Variants in ICA1 observed in about 807,000 individuals in gnomAD.
ICA1 encodes the protein 69 kDa islet cell autoantigen.
In ICA1, 40 loss-of-function variants were observed where a neutral mutation model predicts 71.0. The ratio of observed to expected loss-of-function variants is 0.56; its 90% CI spans 0.44 to 0.73. The LOEUF is 0.73. Ranked by LOEUF, ICA1 falls within the 30% of genes least tolerant of loss-of-function variation. The pLI, the probability that ICA1 is intolerant of heterozygous loss-of-function variation, is 0.00. For missense variants in ICA1, 578 were observed against 576.5 expected (o/e 1.00, Z -0.03); for synonymous variants, 207 against 209.5 (o/e 0.99, Z 0.10).
intron 6 of ICA1, among the ~76,000 whole-genome samples, chr7:8,200,337 G>GAAAAAAAAA (rs1585155929): frequency 1.7e-4 from 1 of 5,982 alleles, no homozygotes; most frequent in African/African-American, 4.8e-4. Flanking sequence ...GCACAGTTGA[G>GAAAAAAAAA]CAAAAAAAAA....
intron 6 of ICA1, among the ~76,000 whole-genome samples, chr7:8,170,662 T>C (rs917281894): frequency 2.6e-5 from 4 of 152,158 alleles, no homozygotes; most frequent in African/African-American, 9.6e-5. Context: ...CTTCAGCTTG[T>C]ATACTGTGAC....
rs1779461616 is a variant in ICA1 at position 8,173,267 on chromosome 7, G to GA, written c.580-14616dup. 6.6e-6 allele frequency among the ~76,000 whole-genome samples: 1 copy of GA among 152,166 alleles called. No individual in the cohort carries two copies. Among genetic ancestry groups the GA allele is most frequent in the South Asian group, 2.1e-4 (1 of 4,822 alleles). ...ATATTCGGTTGTACCAGAAAGCAAA[G>GA]AAGGCTATTACTGGGGTCAAAAGGA... is the stretch of plus-strand genomic sequence containing the variant. On this transcript the variant is annotated intron_variant, in intron 6 of 13. Coordinates refer to ENST00000402384, the MANE Select transcript of ICA1 (RefSeq NM_001136020.3). The surrounding 1 kb of genome is among the most constrained non-coding windows in gnomAD (Gnocchi z 4.0).
chr7:8,191,219 G>A (rs1785498648), intron 6 of ICA1, among the ~76,000 whole-genome samples: 1 of 152,162 alleles, frequency 6.6e-6, no homozygotes, highest in African/African-American at 2.4e-5. Flanking sequence ...CACTGAATTT[G>A]CAAAGAATCA....
chr7:8,203,790 T>G (rs1583195498), intron 6 of ICA1, among the ~76,000 whole-genome samples: 1 of 152,322 alleles, frequency 6.6e-6, no homozygotes, highest in East Asian at 1.9e-4. Context: ...CTTTCAACAG[T>G]GACAGGCTTT....
rs1377619106 is a variant in ICA1, at chr7:8,113,880, C to T, written c.*43G>A. On this transcript the variant is annotated 3_prime_UTR_variant, in exon 14 of 14. Transcript: ENST00000402384. This position sits in a 1 kb window ranked among gnomAD's most constrained non-coding sequence, Gnocchi z 4.2. Reference sequence around the variant, plus strand: ...ATACTTCTGCTAGCCCCCAGGGGAGCTGCTGGGGGCGGCATGTGAGTGCCC... The same window carrying T: ...ATACTTCTGCTAGCCCCCAGGGGAGTTGCTGGGGGCGGCATGTGAGTGCCC... 1 of 1,611,300 alleles carries T rather than the reference C, an allele frequency of 6.2e-7. No homozygotes were observed. Among genetic ancestry groups the T allele is most frequent in the Non-Finnish European group, 8.5e-7 (1 of 1,177,608 alleles).
At position 8,222,964 on chromosome 7, in the gene ICA1, T is replaced by G. The variant is rs1487116858; in HGVS notation, c.257-1566A>C. 2.0e-5 allele frequency among the ~76,000 whole-genome samples: 3 copies of G among 152,228 alleles called. No individual in the cohort carries two copies. The highest frequency in any genetic ancestry group is 6.5e-5 in the Admixed American group (1 of 15,280). ...GCATAAAGTCTTAAATTCACGGTGC[T>G]AATTAAATGCTTGTGAATTGAATTG... On this transcript the variant is annotated intron_variant, in intron 4 of 13. Coordinates refer to ENST00000402384, the MANE Select transcript of ICA1 (RefSeq NM_001136020.3). This position sits in a 1 kb window ranked among gnomAD's most constrained non-coding sequence, Gnocchi z 4.8.
rs1016035204 is a variant in ICA1, at chr7:8,226,970, T to C, written c.256+1631A>G. Among the ~76,000 whole-genome samples, 23 of 152,332 alleles carry C rather than the reference T, an allele frequency of 1.5e-4. No individual in the cohort carries two copies. In the South Asian group the frequency reaches 2.7e-3, roughly 18 times the overall value. The stretch of plus-strand genomic sequence containing the variant: ...AGAGAATCACTATTTACAGGAAATA[T>C]GCAAGCATCCTTCTTTTCTTCCCTT... On this transcript the variant is annotated intron_variant, in intron 4 of 13. Coordinates refer to ENST00000402384, the MANE Select transcript of ICA1 (RefSeq NM_001136020.3). This position sits in a 1 kb window ranked among gnomAD's most constrained non-coding sequence, Gnocchi z 4.4.
At chr7:8,240,134 C>G (rs568153796) in intron 1 of ICA1, among the ~76,000 whole-genome samples, 2 of 152,216 alleles carry the variant, frequency 1.3e-5, no homozygotes, top group Non-Finnish European at 2.9e-5. Flanking sequence ...GGAGACACCT[C>G]CCAGTAGGGG....
chr7:8,150,256 C>T (rs1280249576), intron 8 of ICA1, among the ~76,000 whole-genome samples: 2 of 152,158 alleles, frequency 1.3e-5, no homozygotes, highest in Non-Finnish European at 2.9e-5. Context: ...GAGGTAATGA[C>T]GAGTATTCGT....
intron 13 of ICA1, among the ~76,000 whole-genome samples, chr7:8,117,580 T>C (rs1385776553): frequency 6.6e-6 from 1 of 152,238 alleles, no homozygotes; most frequent in Non-Finnish European, 1.5e-5. Context: ...ACAGCACAGG[T>C]AGATGTTTGC....
At chr7:8,235,394 G>A (rs1477868871) in intron 2 of ICA1, among the ~76,000 whole-genome samples, 2 of 152,108 alleles carry the variant, frequency 1.3e-5, no homozygotes, top group Non-Finnish European at 2.9e-5. Context: ...CGCTAACATT[G>A]CCAAATGGTT....
intron 6 of ICA1, among the ~76,000 whole-genome samples, chr7:8,209,384 G>C (rs1792803216): frequency 6.6e-6 from 1 of 152,188 alleles, no homozygotes; most frequent in African/African-American, 2.4e-5. Context: ...TCAAGGAACA[G>C]AAATTATGAA....
intron 13 of ICA1, among the ~76,000 whole-genome samples, chr7:8,115,534 T>C (rs962177789): frequency 2.6e-5 from 4 of 152,342 alleles, no homozygotes; most frequent in Admixed American, 6.5e-5. Flanking sequence ...AGCGTTCTCA[T>C]GGCCTTGCCG....
intron 1 of ICA1, among the ~76,000 whole-genome samples, chr7:8,245,407 T>G: frequency 9.5e-6 from 1 of 105,328 alleles, no homozygotes; most frequent in African/African-American, 3.7e-5. Context: ...TGGGGCCTGT[T>G]GTGGGGTGGG....
chr7:8,149,442 T>C (rs1798081392), intron 8 of ICA1, among the ~76,000 whole-genome samples: 1 of 152,168 alleles, frequency 6.6e-6, no homozygotes, highest in East Asian at 1.9e-4. Flanking sequence ...ACACACACAG[T>C]AGTATGTAAG....
intron 6 of ICA1, among the ~76,000 whole-genome samples, chr7:8,192,263 T>C (rs1266566397): frequency 2.0e-5 from 3 of 152,242 alleles, no homozygotes; most frequent in Admixed American, 6.5e-5. Flanking sequence ...TCATGTTTTT[T>C]CAGTCTCCTT....
Position 8,138,899 on chromosome 7 carries a change from G to A in ICA1, c.1019-18C>T. The A allele has an allele frequency of 5.0e-6, 8 of 1,604,866 alleles. No homozygotes were observed. The highest frequency in any genetic ancestry group is 6.8e-6 in the Non-Finnish European group (8 of 1,172,182). ...TATGGGTCCTTTAGAGAAGAGGAAA[G>A]AAAACAAAATTATAAGTCAGTTTCA... On this transcript the variant is annotated intron_variant, in intron 11 of 13. Transcript: ENST00000402384.
At position 8,127,839 on chromosome 7, in the gene ICA1, CA is replaced by C. The variant is rs112451631; in HGVS notation, c.1330+33del. Reference sequence around the variant, plus strand: ...ATTGAAAACAAAAAGAATGAACAAACAAAAAACCCCATTTCAATCCCCACCT... The same window carrying C: ...ATTGAAAACAAAAAGAATGAACAAACAAAAACCCCATTTCAATCCCCACCT... On this transcript the variant is annotated intron_variant, in intron 13 of 13. Coordinates refer to ENST00000402384, the MANE Select transcript of ICA1 (RefSeq NM_001136020.3). The C allele has an allele frequency of 3.9e-4, 611 of 1,548,176 alleles. 2 individuals carry two copies. In the African/African-American group the frequency reaches 7.2e-3, roughly 18 times the overall value.
chr7:8,127,256 T>C (rs1789594153), intron 13 of ICA1, among the ~76,000 whole-genome samples: 1 of 151,478 alleles, frequency 6.6e-6, no homozygotes, highest in South Asian at 2.1e-4. Context: ...CCTCCCAAAG[T>C]GCTGGGATTA....
Sources: gnomAD v4.1 joint callset for allele counts (sites outside exome capture counted in the v4.1 genomes callset) on GRCh38, gnomAD v4.1.1 for gene constraint, Gnocchi (gnomAD v3.1) non-coding constraint, MANE v1.5 for transcripts, NCBI Gene and HGNC (gene_info 2026-07-23, HGNC 2026-07-21) for gene names.